The following FHIP2A variants were observed in gnomAD, a reference collection of about 807,000 sequenced individuals.
The protein encoded by FHIP2A is family with sequence similarity 160 member B1.
FHIP2A carries 46 observed loss-of-function variants against 93.5 expected under a neutral mutation model. That is an observed-to-expected ratio of 0.49 (90% CI 0.39 to 0.63). FHIP2A has a LOEUF of 0.63. Among genes scored for constraint, FHIP2A ranks in the 20% least tolerant of loss-of-function variants. The pLI is 0.00. For synonymous variants in FHIP2A, 332 were observed against 326.5 expected, an observed-to-expected ratio of 1.02 and a Z score of -0.18; for missense variants, 769 against 909.7, an observed-to-expected ratio of 0.85 and a Z score of 1.99.
intron 16 of FHIP2A, among the ~76,000 whole-genome samples, chr10:114,885,091 A>G (rs1345108819): frequency 1.3e-5 from 2 of 151,492 alleles, no homozygotes; most frequent in Non-Finnish European, 2.9e-5. Flanking sequence ...TGGGGGAGAA[A>G]AATATTTTTA....
chr10:114,834,344 A>C (rs902027647), intron 3 of FHIP2A, among the ~76,000 whole-genome samples: 1 of 152,176 alleles, frequency 6.6e-6, no homozygotes, highest in Admixed American at 6.5e-5. Flanking sequence ...GGAGAGAAGG[A>C]TTGTTAATAA....
chr10:114,848,326 C>T (rs964975235), intron 12 of FHIP2A, among the ~76,000 whole-genome samples: 8 of 152,028 alleles, frequency 5.3e-5, no homozygotes, highest in African/African-American at 1.9e-4. Context: ...ATACAGCAAT[C>T]TGAAGAGGAA....
intron 16 of FHIP2A, among the ~76,000 whole-genome samples, chr10:114,889,948 C>T (rs1227838812): frequency 2.0e-5 from 3 of 152,206 alleles, no homozygotes; most frequent in Non-Finnish European, 2.9e-5. Flanking sequence ...CCAGGTTTCC[C>T]GGAGCCAACC....
chr10:114,861,207 A>T (rs772378618), intron 15 of FHIP2A, 24 bp from the exon 16 acceptor site: 1 of 1,612,018 alleles, frequency 6.2e-7, no homozygotes, highest in South Asian at 1.1e-5. Context: ...TCAGGAACTG[A>T]AGTGCCTTGC....
intron 14 of FHIP2A, among the ~76,000 whole-genome samples, chr10:114,856,325 C>T (rs568363467): frequency 4.0e-5 from 6 of 151,674 alleles, no homozygotes; most frequent in South Asian, 2.1e-4. Context: ...TAATAGCATT[C>T]GCTGTATTTC....
intron 16 of FHIP2A, among the ~76,000 whole-genome samples, chr10:114,874,803 C>T (rs75038885): frequency 0.028 from 4,229 of 152,192 alleles, 153 homozygotes; most frequent in African/African-American, 0.085. Flanking sequence ...CGCGCCCGGC[C>T]GGAATTTTTT....
intron 16 of FHIP2A, among the ~76,000 whole-genome samples, chr10:114,881,964 G>C (rs778307098): frequency 1.3e-5 from 2 of 152,328 alleles, no homozygotes. Context: ...GTCTGTGTGC[G>C]TGTCTGTATG....
At chr10:114,827,273 A>C (rs2083582163) in intron 1 of FHIP2A, among the ~76,000 whole-genome samples, 1 of 152,232 alleles carries the variant, frequency 6.6e-6, no homozygotes, top group Admixed American at 6.5e-5. Flanking sequence ...TACACCTGGC[A>C]CATAACTACT....
rs765840729 is a variant in FHIP2A at position 114,843,690 on chromosome 10, C to T, written c.817-51C>T. On this transcript the variant is annotated intron_variant, in intron 6 of 16. Transcript: ENST00000369248. ...TTTTATGTTGAATGTTTTCAAACAA[C>T]CTGATGTATATACAATTCAAGAATT... is the stretch of plus-strand genomic sequence containing the variant. The T allele has an allele frequency of 4.7e-6, 6 of 1,289,030 alleles. No individual in the cohort carries two copies. The African/African-American group carries it at 6.0e-5, about 13-fold the overall frequency. 79.8% of individuals were successfully genotyped at this position (1,289,030 alleles called of 1,614,324 possible). A position where few individuals can be genotyped will look rare whatever the true frequency, so the allele number is the denominator to read the frequency against.
chr10:114,892,096 A>G (rs1482673005), intron 16 of FHIP2A, among the ~76,000 whole-genome samples: 1 of 152,172 alleles, frequency 6.6e-6, no homozygotes, highest in African/African-American at 2.4e-5. Context: ...ATATAGAAAT[A>G]TTATATTAAC....
rs1004722778 is a variant in FHIP2A, at chr10:114,862,245, T to G, written c.*705T>G. On this transcript the variant is annotated 3_prime_UTR_variant, in exon 17 of 17. Transcript: ENST00000369248. The stretch of plus-strand genomic sequence containing the variant: ...ATTTTCTTCATGTGTGGGTCCCAGT[T>G]TATTTAAACTGTGTCGTTTTCGCAG... 1.7e-5 allele frequency: 17 copies of G among 985,994 alleles called. No homozygotes were observed. In the African/African-American group the frequency reaches 3.0e-4, roughly 17 times the overall value. 61.1% of individuals were successfully genotyped at this position (985,994 alleles called of 1,614,324 possible).
At chr10:114,895,761 G>A (rs191108466) in intron 16 of FHIP2A, among the ~76,000 whole-genome samples, 73 of 152,266 alleles carry the variant, frequency 4.8e-4, no homozygotes, top group Admixed American at 7.8e-4. Context: ...ATCCAATCTA[G>A]CTGAACAACT....
intron 8 of FHIP2A, 65 bp downstream of exon 8, chr10:114,845,546 A>G (rs576461175): frequency 2.5e-5 from 24 of 964,874 alleles, no homozygotes; most frequent in Non-Finnish European, 3.5e-5. Flanking sequence ...TGAAATTGGA[A>G]TCCCTAATTT....
chr10:114,866,094 T>C (rs1220500270), downstream of FHIP2A, among the ~76,000 whole-genome samples: 1 of 152,156 alleles, frequency 6.6e-6, no homozygotes, highest in Non-Finnish European at 1.5e-5. Flanking sequence ...AAGCCCCACA[T>C]GCATTAGCTA....
intron 2 of FHIP2A, among the ~76,000 whole-genome samples, chr10:114,831,683 C>G (rs1428766847): frequency 6.6e-6 from 1 of 152,184 alleles, no homozygotes; most frequent in Non-Finnish European, 1.5e-5. Flanking sequence ...ATTCTTTGTG[C>G]TAAGGACTGA....
intron 14 of FHIP2A, among the ~76,000 whole-genome samples, chr10:114,858,543 G>A (rs937554197): frequency 1.3e-5 from 2 of 149,628 alleles, no homozygotes; most frequent in African/African-American, 4.9e-5. Flanking sequence ...GAAGAGTCAT[G>A]TACAATTCTG....
chr10:114,836,387 AAT>A, intron 5 of FHIP2A, 141 bp downstream of exon 5: 1 of 683,070 alleles, frequency 1.5e-6, no homozygotes, highest in Non-Finnish European at 2.4e-6. Context: ...TTTTTCCTTT[AAT>A]ATCACTATTT....
At position 114,843,215 on chromosome 10, in the gene FHIP2A, A is replaced by C; in HGVS notation, c.805A>C (p.Thr269Pro). 1.2e-6 allele frequency: 2 copies of C among 1,611,628 alleles called. No individual in the cohort carries two copies. Among genetic ancestry groups the C allele is most frequent in the Non-Finnish European group, 1.7e-6 (2 of 1,178,264 alleles). The change falls in exon 6 of 17, where the codon ACT becomes CCT. Residue 269 changes from threonine (T) to proline (P), a missense_variant. Thr to Pro is a conservative substitution (Grantham distance 38). Coordinates refer to ENST00000369248, the MANE Select transcript of FHIP2A (RefSeq NM_020940.4). The stretch of plus-strand genomic sequence containing the variant: ...TTTAGTGAATTCTTTGTTAAATCTT[A>C]CTAGAAGTCCTGTGAGTTATGGTCC... ...YNLVNSLLNL[T>P]RSPDGRIAVK...
chr10:114,861,328 G>A lies in FHIP2A; in HGVS notation c.2186G>A (p.Gly729Asp). 1 of 1,614,084 alleles carries A rather than the reference G, an allele frequency of 6.2e-7. No homozygotes were observed. The highest frequency in any genetic ancestry group is 8.5e-7 in the Non-Finnish European group (1 of 1,180,006). The change falls in exon 16 of 17, where the codon GGC becomes GAC. Residue 729 changes from glycine (G) to aspartate (D), a missense_variant. Coordinates refer to ENST00000369248, the MANE Select transcript of FHIP2A (RefSeq NM_020940.4). ...RKRLLGLEPE[G>D]PIIDHITLLE... Reference sequence around the variant, plus strand: ...CGGTTACTTGGTTTGGAACCTGAAGGCCCTATGTAAGTTAGTGTTTTACAT... The same window carrying A: ...CGGTTACTTGGTTTGGAACCTGAAGACCCTATGTAAGTTAGTGTTTTACAT...
Sources: allele counts gnomAD v4.1 joint callset (sites outside exome capture counted in the v4.1 genomes callset), GRCh38; gene constraint gnomAD v4.1.1; transcripts MANE v1.5; gene names NCBI Gene and HGNC (gene_info 2026-07-23, HGNC 2026-07-21).